The following SLC26A4 variants were observed in gnomAD, a reference collection of about 807,000 sequenced individuals.
The protein encoded by SLC26A4 is solute carrier family 26 member 4, also known as pendrin.
Under a neutral mutation model 90.4 loss-of-function variants are expected in SLC26A4, and 93 were observed. The ratio of observed to expected loss-of-function variants is 1.03; its 90% CI spans 0.87 to 1.22. SLC26A4 has a LOEUF of 1.22. SLC26A4 is among the 50% of genes most tolerant of loss of function. The probability of loss-of-function intolerance (pLI) is 0.00; values close to 1 mark genes in which losing one functional copy is unlikely to be tolerated. For synonymous variants in SLC26A4, 393 were observed against 354.6 expected, an observed-to-expected ratio of 1.11 and a Z score of -1.22; for missense variants, 1,127 against 946.2, an observed-to-expected ratio of 1.19 and a Z score of -2.51.
At chr7:107,698,850 G>C (rs1459498909) in intron 14 of SLC26A4, among the ~76,000 whole-genome samples, 5 of 152,024 alleles carry the variant, frequency 3.3e-5, no homozygotes, top group Admixed American at 6.6e-5. Context: ...CACAGGAAAT[G>C]AAAAACAAAG....
intron 2 of SLC26A4, chr7:107,662,025 T>G (rs954274565): frequency 1.4e-5 from 8 of 591,522 alleles, no homozygotes; most frequent in Non-Finnish European, 2.4e-5. Flanking sequence ...TGAACTTACC[T>G]GGGAAACTCG....
In SLC26A4 at chr7:107,708,921, CTG is replaced by C. The variant is rs374068574; in HGVS notation, c.2090-1127_2090-1126del. ...GGAGGACTCTCAAGGGTGTGAGTCT[CTG>C]TGTGTTTCTTTATGAATGTATGTGT... On this transcript the variant is annotated intron_variant, in intron 18 of 20. Coordinates refer to ENST00000644269, the MANE Select transcript of SLC26A4 (RefSeq NM_000441.2). 2.3e-4 allele frequency among the ~76,000 whole-genome samples: 35 copies of C among 152,154 alleles called. No individual in the cohort carries two copies. The East Asian group carries it at 4.1e-3, about 18-fold the overall frequency.
chr7:107,663,240 C>T, intron 2 of SLC26A4, 56 bp from the exon 3 acceptor site: 3 of 1,600,650 alleles, frequency 1.9e-6, no homozygotes, highest in Non-Finnish European at 2.6e-6. Flanking sequence ...TTGTGATTTG[C>T]AAATTGGTTG....
chr7:107,700,064 CA>C lies in SLC26A4; in HGVS notation c.1615-17del. ...AGGCTTGAAATTATTTAATCCCAGA[CA>C]ATTTCTTTTAATGCCAGATTGAAGA... On this transcript the variant is annotated intron_variant, in intron 14 of 20. Transcript: ENST00000644269. 2.2e-6 allele frequency: 3 copies of C among 1,343,836 alleles called. No individual in the cohort carries two copies. The highest frequency in any genetic ancestry group is 3.2e-6 in the Non-Finnish European group (3 of 933,802). The allele number at this position is 1,343,836 out of a possible 1,614,324, so 83.2% of individuals were successfully genotyped here. A position where few individuals can be genotyped will look rare whatever the true frequency, so the allele number is the denominator to read the frequency against.
chr7:107,680,094 T>C (rs1206098844), intron 6 of SLC26A4, among the ~76,000 whole-genome samples: 1 of 94,208 alleles, frequency 1.1e-5, no homozygotes, highest in Non-Finnish European at 2.0e-5. Flanking sequence ...TCTTATTATA[T>C]AATCTTATCT....
At chr7:107,703,067 C>CT (rs1791942120) in intron 17 of SLC26A4, among the ~76,000 whole-genome samples, 4 of 152,180 alleles carry the variant, frequency 2.6e-5, no homozygotes, top group African/African-American at 9.7e-5. Context: ...GTGTACTGAG[C>CT]ACTCTGCCAG....
At chr7:107,710,943 G>T (rs767721021) in intron 19 of SLC26A4, among the ~76,000 whole-genome samples, 1 of 152,140 alleles carries the variant, frequency 6.6e-6, no homozygotes, top group Non-Finnish European at 1.5e-5. Flanking sequence ...CAGTGACATC[G>T]TGGATATTTT....
At chr7:107,702,641 T>C (rs1791928430) in intron 17 of SLC26A4, among the ~76,000 whole-genome samples, 1 of 143,958 alleles carries the variant, frequency 6.9e-6, no homozygotes, top group Admixed American at 7.2e-5. Flanking sequence ...GCTGAGATTG[T>C]GCCACTGTAC....
rs774437716 is a variant in SLC26A4 at position 107,710,145 on chromosome 7, C to CG, written c.2181_2182insG (p.Tyr728ValfsTer26). 6.2e-7 allele frequency: 1 copy of CG among 1,608,540 alleles called. No homozygotes were observed. The highest frequency in any genetic ancestry group is 8.5e-7 in the Non-Finnish European group (1 of 1,174,886). ...TTTTGACGGTCCATGATGCTATACTCTATCTACAGAACCAAGTGAAATCTC... is the reference window on the plus strand; with the variant it reads ...TTTTGACGGTCCATGATGCTATACTCGTATCTACAGAACCAAGTGAAATCTC... On this transcript the variant is annotated frameshift_variant, in exon 19 of 21. Transcript: ENST00000644269. LOFTEE classifies it high-confidence loss of function.
At chr7:107,683,589 T>C in intron 8 of SLC26A4, 52 bp downstream of exon 8, 1 of 1,408,798 alleles carries the variant, frequency 7.1e-7, no homozygotes, top group Non-Finnish European at 1.0e-6. Flanking sequence ...TAAGTCAGTC[T>C]TTTTTATTTA....
chr7:107,686,848 T>C (rs1791436888), intron 8 of SLC26A4, among the ~76,000 whole-genome samples: 1 of 152,192 alleles, frequency 6.6e-6, no homozygotes, highest in African/African-American at 2.4e-5. Flanking sequence ...CAATCTGGGT[T>C]CCATTCATTG....
At chr7:107,693,439 T>C in intron 10 of SLC26A4, 1 of 985,472 alleles carries the variant, frequency 1.0e-6, no homozygotes, top group Non-Finnish European at 1.2e-6. Flanking sequence ...CTGTCTCCCG[T>C]AACTCAGACC....
chr7:107,698,371 G>A (rs1413700990), intron 14 of SLC26A4, among the ~76,000 whole-genome samples: 1 of 151,662 alleles, frequency 6.6e-6, no homozygotes, highest in East Asian at 1.9e-4. Flanking sequence ...AGGCTGGAGT[G>A]CAGAGGCAGG....
At chr7:107,714,027 G>C (rs555320046) in intron 20 of SLC26A4, among the ~76,000 whole-genome samples, 9 of 151,900 alleles carry the variant, frequency 5.9e-5, no homozygotes, top group Non-Finnish European at 1.2e-4. Flanking sequence ...AGATTCTCAC[G>C]TGTGCCTCAG....
intron 3 of SLC26A4, among the ~76,000 whole-genome samples, chr7:107,666,262 C>T (rs186076593): frequency 1.2e-3 from 190 of 152,294 alleles, no homozygotes; most frequent in African/African-American, 3.9e-3. Context: ...TGCTCTGTTG[C>T]GCAGGCTGGA....
At chr7:107,683,098 C>A in intron 6 of SLC26A4, 104 bp from the exon 7 acceptor site, 2 of 862,654 alleles carry the variant, frequency 2.3e-6, no homozygotes, top group Non-Finnish European at 3.7e-6. Context: ...CATGGTTTTT[C>A]ATGTGGGAAG....
intron 6 of SLC26A4, among the ~76,000 whole-genome samples, chr7:107,675,574 C>CTTTT (rs563755979): frequency 1.1e-4 from 14 of 130,982 alleles, no homozygotes; most frequent in South Asian, 2.4e-4. Context: ...TTCTTTCTTT[C>CTTTT]TTTTTTTTTT....
At chr7:107,708,958 T>C (rs143102175) in intron 18 of SLC26A4, among the ~76,000 whole-genome samples, 3 of 152,162 alleles carry the variant, frequency 2.0e-5, no homozygotes, top group Non-Finnish European at 4.4e-5. Flanking sequence ...TGTAGGAAAG[T>C]GCTAAGGCTT....
intron 4 of SLC26A4, among the ~76,000 whole-genome samples, chr7:107,673,393 T>C (rs548180902): frequency 3.0e-4 from 46 of 152,330 alleles, no homozygotes; most frequent in African/African-American, 1.0e-3. Flanking sequence ...GCTGTTTTTT[T>C]AATCCTAACT....
Sources: gnomAD v4.1 joint callset for allele counts (sites outside exome capture counted in the v4.1 genomes callset) on GRCh38, gnomAD v4.1.1 for gene constraint, MANE v1.5 for transcripts, NCBI Gene and HGNC (gene_info 2026-07-23, HGNC 2026-07-21) for gene names.